Variants in MYPN observed in about 807,000 individuals in gnomAD.
The protein encoded by MYPN is myopalladin.
In MYPN, 63 loss-of-function variants were observed where a neutral mutation model predicts 129.4. The ratio of observed to expected loss-of-function variants is 0.49; its 90% CI spans 0.40 to 0.60. MYPN has a LOEUF of 0.60. Ranked by LOEUF, MYPN falls within the 20% of genes least tolerant of loss-of-function variation. The pLI is 0.00. For missense variants in MYPN, 1,596 were observed against 1,635.4 expected (o/e 0.98, Z 0.42); for synonymous variants, 629 against 600.9 (o/e 1.05, Z -0.68).
intron 16 of MYPN, among the ~76,000 whole-genome samples, chr10:68,199,003 T>A (rs1034998264): frequency 6.6e-6 from 1 of 151,886 alleles, no homozygotes; most frequent in African/African-American, 2.4e-5. Flanking sequence ...GTTTTTTTTT[T>A]AGAAAAAAAA....
At chr10:68,182,716 C>A (rs1347511643) in intron 12 of MYPN, among the ~76,000 whole-genome samples, 1 of 151,976 alleles carries the variant, frequency 6.6e-6, no homozygotes, top group Non-Finnish European at 1.5e-5. Context: ...CCCCATTGGA[C>A]TGGCTGGTCC....
intron 1 of MYPN, among the ~76,000 whole-genome samples, chr10:68,092,437 G>A (rs2041935408): frequency 6.6e-6 from 1 of 151,836 alleles, no homozygotes; most frequent in African/African-American, 2.4e-5. Context: ...GGAGGTTGCA[G>A]TGAGCCGAGA....
chr10:68,197,789 G>A (rs532604130), intron 16 of MYPN, among the ~76,000 whole-genome samples: 10 of 152,168 alleles, frequency 6.6e-5, no homozygotes, highest in African/African-American at 2.2e-4. Flanking sequence ...AGGGGCCCGC[G>A]TTCCAAGCCC....
chr10:68,133,620 T>C (rs981420122), intron 2 of MYPN, among the ~76,000 whole-genome samples: 1 of 151,864 alleles, frequency 6.6e-6, no homozygotes, highest in African/African-American at 2.4e-5. Context: ...CATAAGGAAC[T>C]CTCTGGACAT....
intron 1 of MYPN, among the ~76,000 whole-genome samples, chr10:68,115,516 C>T (rs1192989969): frequency 1.3e-5 from 2 of 152,130 alleles, no homozygotes; most frequent in Non-Finnish European, 2.9e-5. Context: ...CATTTCTGGC[C>T]ATCTCCCATG....
Position 68,199,830 on chromosome 10 carries a change from A to G in MYPN, c.3493+255A>G, listed in dbSNP as rs12266427. Among the ~76,000 whole-genome samples the G allele has an allele frequency of 5.1e-3, 773 of 152,296 alleles. 7 individuals carry two copies. The highest frequency in any genetic ancestry group is 0.018 in the African/African-American group (733 of 41,554). The stretch of plus-strand genomic sequence containing the variant: ...ATTGTCATCATCAGTCAATCAATCA[A>G]TCAATTAGCTGTCACTAAATTCCAG... On this transcript the variant is annotated intron_variant, in intron 17 of 19. Coordinates refer to ENST00000358913, the MANE Select transcript of MYPN (RefSeq NM_032578.4).
chr10:68,099,454 G>T (rs2041972012), intron 1 of MYPN, among the ~76,000 whole-genome samples: 1 of 152,018 alleles, frequency 6.6e-6, no homozygotes, highest in Non-Finnish European at 1.5e-5. Context: ...GGCCAACATG[G>T]TGACACCCAG....
chr10:68,173,898 C>T (rs1265755258), intron 10 of MYPN, among the ~76,000 whole-genome samples, 168 bp from the exon 11 acceptor site: 2 of 150,542 alleles, frequency 1.3e-5, no homozygotes, highest in African/African-American at 4.9e-5. Context: ...AACTCCTGGA[C>T]TCAAGTGATC....
intron 2 of MYPN, among the ~76,000 whole-genome samples, chr10:68,131,776 T>G (rs1375435100): frequency 2.6e-5 from 4 of 152,204 alleles, no homozygotes; most frequent in Admixed American, 6.5e-5. Flanking sequence ...GGCATCTCAT[T>G]TTTAATGCTA....
chr10:68,142,842 G>A, intron 2 of MYPN, 98 bp from the exon 3 acceptor site: 3 of 1,160,460 alleles, frequency 2.6e-6, no homozygotes, highest in Middle Eastern at 1.9e-4. Context: ...TTGTTGTTCT[G>A]ACTTCAAATG....
intron 3 of MYPN, among the ~76,000 whole-genome samples, chr10:68,143,492 G>A (rs2042609454): frequency 6.6e-6 from 1 of 152,164 alleles, no homozygotes; most frequent in Admixed American, 6.5e-5. Context: ...AGCAAGTGCA[G>A]TGGCCCTGAG....
At chr10:68,151,011 C>G (rs2042760323) in intron 6 of MYPN, among the ~76,000 whole-genome samples, 1 of 152,286 alleles carries the variant, frequency 6.6e-6, no homozygotes, top group Non-Finnish European at 1.5e-5. Flanking sequence ...GTTGTCACAG[C>G]TGGGGGGTTG....
At chr10:68,143,787 C>T (rs2042615085) in intron 3 of MYPN, among the ~76,000 whole-genome samples, 1 of 152,144 alleles carries the variant, frequency 6.6e-6, no homozygotes, top group African/African-American at 2.4e-5. Flanking sequence ...CGGAGTCTCA[C>T]TCTATTGCCC....
chr10:68,122,152 G>C lies in MYPN; in HGVS notation c.714G>C (p.Ala238=), dbSNP rs757661676. Residue 238 remains alanine, a synonymous_variant, in exon 2 of 20, where the codon GCG becomes GCC. Coordinates refer to ENST00000358913, the MANE Select transcript of MYPN (RefSeq NM_032578.4). ...AGCAGGAAGCCAAGAGGCGTGAAGC[G>C]GAGCAGGCTGCCAGTGAGGCGGCTG... The part of the protein sequence containing the change: ...LEQQEAKRRE[A]EQAASEAAGG... The C allele has an allele frequency of 4.3e-6, 7 of 1,612,350 alleles. No homozygotes were observed. Among genetic ancestry groups the C allele is most frequent in the Non-Finnish European group, 5.1e-6 (6 of 1,178,930 alleles).
At chr10:68,148,573 C>T in intron 5 of MYPN, 106 bp downstream of exon 5, 2 of 853,024 alleles carry the variant, frequency 2.3e-6, no homozygotes, top group South Asian at 2.7e-5. Flanking sequence ...GGTGCAACTC[C>T]ATCATCAGGA....
chr10:68,178,382 T>C (rs1188663236), intron 12 of MYPN, among the ~76,000 whole-genome samples: 1 of 152,164 alleles, frequency 6.6e-6, no homozygotes, highest in Non-Finnish European at 1.5e-5. Context: ...AAATCCTAAA[T>C]GGTTTAGGTT....
At position 68,122,195 on chromosome 10, in the gene MYPN, G is replaced by C. The variant is rs201983087; in HGVS notation, c.757G>C (p.Gly253Arg). The C allele has an allele frequency of 1.1e-4, 177 of 1,609,532 alleles. No homozygotes were observed. Among genetic ancestry groups the C allele is most frequent in the Non-Finnish European group, 1.3e-4 (156 of 1,177,634 alleles). Residue 253 changes from glycine to arginine, a missense_variant, in exon 2 of 20, where the codon GGG becomes CGG. Coordinates refer to ENST00000358913, the MANE Select transcript of MYPN (RefSeq NM_032578.4). ...SEAAGGDTTP[G>R]SSPSSLYYEE... ...GGCGGCTGGTGGAGACACTACACCA[G>C]GGTCTTCCCCTTCATCTCTGTACTA...
intron 1 of MYPN, among the ~76,000 whole-genome samples, chr10:68,089,902 T>C (rs1024151099): frequency 6.6e-6 from 1 of 152,196 alleles, no homozygotes; most frequent in Non-Finnish European, 1.5e-5. Context: ...ATCTTGGATA[T>C]GATCTGATGG....
intron 1 of MYPN, among the ~76,000 whole-genome samples, chr10:68,118,848 AAG>A (rs1413651208): frequency 2.0e-5 from 3 of 149,454 alleles, no homozygotes; most frequent in Admixed American, 6.8e-5. Context: ...GAAAGAGAGA[AAG>A]AGAGAGAGAG....
Sources: allele counts gnomAD v4.1 joint callset (sites outside exome capture counted in the v4.1 genomes callset), GRCh38; gene constraint gnomAD v4.1.1; transcripts MANE v1.5; gene names NCBI Gene and HGNC (gene_info 2026-07-23, HGNC 2026-07-21).